Variants in RAPGEF2 observed in about 807,000 individuals in gnomAD.
The protein encoded by RAPGEF2 is PDZ domain containing guanine nucleotide exchange factor (GEF) 1.
RAPGEF2 carries 54 observed loss-of-function variants against 186.7 expected under a neutral mutation model. That is an observed-to-expected ratio of 0.29 (90% confidence interval 0.23 to 0.36). RAPGEF2 has a LOEUF of 0.36. RAPGEF2 is among the 10% of genes least tolerant of loss of function. The pLI is 1.00. For synonymous variants in RAPGEF2, 712 were observed against 705.9 expected (o/e 1.01, Z -0.14); for missense variants, 1,532 against 2,045.0 (o/e 0.75, Z 4.84).
rs939079967 is a variant in RAPGEF2, at chr4:159,335,189, G to A, written c.2135+2492G>A. On this transcript the variant is annotated intron_variant, in intron 17 of 29. Transcript: ENST00000691494. Reference sequence around the variant, plus strand: ...AGATAATGGTAAATTGGCAAGGTAGGCACAATCGGGTGATGTGCATAGAGA... The same window carrying A: ...AGATAATGGTAAATTGGCAAGGTAGACACAATCGGGTGATGTGCATAGAGA... Among the ~76,000 whole-genome samples, 2 of 152,250 alleles carry A rather than the reference G, an allele frequency of 1.3e-5. 1 individual carries two copies. The highest frequency in any genetic ancestry group is 4.2e-4 in the South Asian group (2 of 4,814).
Position 159,177,400 on chromosome 4 carries a change from A to G in RAPGEF2, c.70-9242A>G, listed in dbSNP as rs983401923. Among the ~76,000 whole-genome samples, 7 of 152,310 alleles carry G rather than the reference A, an allele frequency of 4.6e-5. No individual in the cohort carries two copies. In the East Asian group the frequency reaches 1.3e-3, roughly 29 times the overall value. The stretch of plus-strand genomic sequence containing the variant: ...TTTTCCAGGATCTGATTTTGCCATG[A>G]AACTATCAGTACTGAAACTATGTGT... On this transcript the variant is annotated intron_variant, in intron 1 of 29. Coordinates refer to ENST00000691494, the MANE Select transcript of RAPGEF2 (RefSeq NM_001394067.2).
intron 4 of RAPGEF2, among the ~76,000 whole-genome samples, chr4:159,233,801 G>T (rs935287236): frequency 6.6e-6 from 1 of 152,024 alleles, no homozygotes; most frequent in Non-Finnish European, 1.5e-5. Flanking sequence ...AGGAAAAAAA[G>T]TCCTTTTAAT....
intron 4 of RAPGEF2, among the ~76,000 whole-genome samples, chr4:159,212,092 G>GA (rs140344707): frequency 0.013 from 2,019 of 152,232 alleles, 48 homozygotes; most frequent in African/African-American, 0.046. Flanking sequence ...TGTATTTTAT[G>GA]AATGAGGAAA....
At chr4:159,340,780 C>T (rs1206032517) in intron 19 of RAPGEF2, among the ~76,000 whole-genome samples, 1 of 3,026 alleles carries the variant, frequency 3.3e-4, no homozygotes, top group East Asian at 0.022. Flanking sequence ...CCACCATCAC[C>T]ACACACACAC....
At chr4:159,227,284 A>G (rs985766999) in intron 4 of RAPGEF2, among the ~76,000 whole-genome samples, 7 of 152,212 alleles carry the variant, frequency 4.6e-5, no homozygotes, top group African/African-American at 1.7e-4. Flanking sequence ...AATATGTTAC[A>G]TAGATCTGTT....
chr4:159,131,533 T>TTTTTTTTTTTTTTTG (rs1741102542), intron 1 of RAPGEF2, among the ~76,000 whole-genome samples: 1 of 149,364 alleles, frequency 6.7e-6, no homozygotes, highest in Non-Finnish European at 1.5e-5. Flanking sequence ...TTTTTTTTTT[T>TTTTTTTTTTTTTTTG]TTTTTTTTTT....
chr4:159,338,508 T>C (rs772867134), intron 18 of RAPGEF2, 40 bp downstream of exon 18: 1 of 1,530,638 alleles, frequency 6.5e-7, no homozygotes, highest in African/African-American at 1.4e-5. Context: ...CTTATAGTTA[T>C]CTTTTTATTT....
At chr4:159,279,920 A>C (rs2110882935) in intron 7 of RAPGEF2, among the ~76,000 whole-genome samples, 1 of 152,070 alleles carries the variant, frequency 6.6e-6, no homozygotes, top group Non-Finnish European at 1.5e-5. Context: ...CCTGAGCTCA[A>C]GTAATCTGCC....
At chr4:159,330,202 T>C (rs1292534126) in intron 12 of RAPGEF2, 132 bp from the exon 13 acceptor site, 1 of 828,816 alleles carries the variant, frequency 1.2e-6, no homozygotes, top group Non-Finnish European at 1.8e-6. Context: ...CAATTCATTT[T>C]ATGTTGAATG....
At chr4:159,104,512 G>GAGAGAGAGAGAGAGAGAGAGGGAGAGAC (rs1560964552) in intron 1 of RAPGEF2, among the ~76,000 whole-genome samples, 6 of 130,540 alleles carry the variant, frequency 4.6e-5, no homozygotes, top group African/African-American at 2.0e-4. Context: ...GAGAGAGAGA[G>GAGAGAGAGAGAGAGAGAGAGGGAGAGAC]AGAGAGAGAG....
intron 4 of RAPGEF2, 106 bp downstream of exon 4, chr4:159,210,689 C>T: frequency 1.3e-6 from 1 of 783,726 alleles, no homozygotes; most frequent in South Asian, 1.8e-5. Flanking sequence ...TCTGCTGATA[C>T]AAAGCAAGAC....
Position 159,103,429 on chromosome 4 carries a change from C to A in RAPGEF2, c.-734C>A. The A allele has an allele frequency of 6.3e-6, 1 of 159,586 alleles. No homozygotes were observed. Among genetic ancestry groups the A allele is most frequent in the Non-Finnish European group, 1.3e-5 (1 of 74,424 alleles). 9.9% of individuals were successfully genotyped at this position (159,586 alleles called of 1,614,324 possible). A position where few individuals can be genotyped will look rare whatever the true frequency, so the allele number is the denominator to read the frequency against. On this transcript the variant is annotated 5_prime_UTR_variant, in exon 1 of 30. Coordinates refer to ENST00000691494, the MANE Select transcript of RAPGEF2 (RefSeq NM_001394067.2). The stretch of plus-strand genomic sequence containing the variant: ...GCGGAGCCCACAGCGGCGGCCCGAG[C>A]AGCAGAGGCGGCGGCGGCGGCGGCT...
At chr4:159,299,364 T>C (rs951452918) in intron 7 of RAPGEF2, among the ~76,000 whole-genome samples, 7 of 152,050 alleles carry the variant, frequency 4.6e-5, no homozygotes, top group Admixed American at 4.6e-4. Flanking sequence ...TTTTAACTAT[T>C]GGATTTCTCA....
intron 1 of RAPGEF2, among the ~76,000 whole-genome samples, chr4:159,157,745 G>A (rs1212375548): frequency 2.0e-5 from 3 of 152,138 alleles, no homozygotes; most frequent in African/African-American, 7.2e-5. Flanking sequence ...CATAATGTCC[G>A]TTTTCTCATT....
At chr4:159,222,686 G>T (rs1276184021) in intron 4 of RAPGEF2, among the ~76,000 whole-genome samples, 1 of 152,118 alleles carries the variant, frequency 6.6e-6, no homozygotes, top group Non-Finnish European at 1.5e-5. Flanking sequence ...TGTTTCACTT[G>T]TATGAATTCA....
intron 1 of RAPGEF2, among the ~76,000 whole-genome samples, chr4:159,121,148 C>T (rs1271596070): frequency 1.3e-5 from 2 of 151,896 alleles, no homozygotes; most frequent in Admixed American, 6.6e-5. Flanking sequence ...CTTCTGCACC[C>T]GGCCGATCTT....
chr4:159,131,071 C>T (rs1000409142), intron 1 of RAPGEF2, among the ~76,000 whole-genome samples: 6 of 143,814 alleles, frequency 4.2e-5, no homozygotes, highest in African/African-American at 1.6e-4. Context: ...TACAGAGTTT[C>T]GCGTGTTGTT....
intron 7 of RAPGEF2, among the ~76,000 whole-genome samples, chr4:159,277,387 T>C (rs1265748116): frequency 6.6e-6 from 1 of 152,220 alleles, no homozygotes; most frequent in East Asian, 1.9e-4. Flanking sequence ...TTAACATACG[T>C]GTGCATGTGT....
intron 4 of RAPGEF2, 67 bp downstream of exon 4, chr4:159,210,650 T>A (rs1224879808): frequency 8.0e-7 from 1 of 1,254,736 alleles, no homozygotes; most frequent in Non-Finnish European, 1.1e-6. Flanking sequence ...AATTCAGTTC[T>A]AAAATTCTTT....
Sources: gnomAD v4.1 joint callset for allele counts (sites outside exome capture counted in the v4.1 genomes callset) on GRCh38, gnomAD v4.1.1 for gene constraint, MANE v1.5 for transcripts, NCBI Gene and HGNC (gene_info 2026-07-23, HGNC 2026-07-21) for gene names.